Variants in WDR73 observed in about 807,000 individuals in gnomAD.
WDR73 encodes integrator complex assembly factor WDR73.
Under a neutral mutation model 38.2 loss-of-function variants are expected in WDR73, and 30 were observed. The observed-to-expected ratio is 0.79, with a 90% CI of 0.59 to 1.06. The LOEUF (loss-of-function observed/expected upper bound fraction) is 1.06. Among genes scored for constraint, WDR73 ranks in the 50% least tolerant of loss-of-function variants. The pLI is 0.00. For missense variants in WDR73, 487 were observed against 467.0 expected, an observed-to-expected ratio of 1.04 and a Z score of -0.40; for synonymous variants, 197 against 176.0, an observed-to-expected ratio of 1.12 and a Z score of -0.94.
chr15:84,653,286 G>T, intron 2 of WDR73: 1 of 242,288 alleles, frequency 4.1e-6, no homozygotes, highest in Non-Finnish European at 8.3e-6. Context: ...TCCTGCCTCA[G>T]CCTCCCCAGT....
Position 84,645,542 on chromosome 15 carries a change from A to T in WDR73, c.812T>A (p.Val271Glu), listed in dbSNP as rs768904751. The change falls in exon 7 of 8, where the codon GTA (valine) becomes GAA (glutamate). Residue 271 changes from valine to glutamate, a missense_variant. Coordinates refer to ENST00000434634, the MANE Select transcript of WDR73 (RefSeq NM_032856.5). ...PVSSVQCPVS[V>E]PSPDPELLRV... The stretch of plus-strand genomic sequence containing the variant: ...CAGCAGCTCTGGGTCAGGGCTAGGT[A>T]CGGATACTGGGCACTGGACTGAGCT... 6.2e-7 allele frequency: 1 copy of T among 1,612,208 alleles called. No individual in the cohort carries two copies. The highest frequency in any genetic ancestry group is 1.1e-5 in the South Asian group (1 of 90,728).
At chr15:84,643,841 T>TCCTAGCCTCAAGC (rs1896353791) in intron 7 of WDR73, 118 bp from the exon 8 acceptor site, 1 of 1,238,510 alleles carries the variant, frequency 8.1e-7, no homozygotes, top group Non-Finnish European at 1.1e-6. Context: ...GGTCTTGAAC[T>TCCTAGCCTCAAGC]CCTAGCCTCA....
intron 6 of WDR73, 59 bp from the exon 7 acceptor site, chr15:84,645,895 G>A: frequency 1.2e-6 from 2 of 1,607,716 alleles, no homozygotes; most frequent in East Asian, 2.2e-5. Context: ...TGGCAATTTG[G>A]CAGGGCTGGC....
rs375591390 is a variant in WDR73 at position 84,643,452 on chromosome 15, G to A, written c.*18C>T. ...AGCTCCTCCCCTTTCTAGAGGCCTA[G>A]ATGGAAAGATGCTGGTGTCAGCGGG... On this transcript the variant is annotated 3_prime_UTR_variant, in exon 8 of 8. Coordinates refer to ENST00000434634, the MANE Select transcript of WDR73 (RefSeq NM_032856.5). The A allele has an allele frequency of 1.7e-5, 26 of 1,550,588 alleles. No homozygotes were observed. The African/African-American group carries it at 3.4e-4, about 20-fold the overall frequency.
chr15:84,649,839 G>A (rs1896571555), intron 3 of WDR73, among the ~76,000 whole-genome samples: 1 of 152,074 alleles, frequency 6.6e-6, no homozygotes, highest in Non-Finnish European at 1.5e-5. Context: ...TGAACTCCTA[G>A]GCTCAAGCAG....
chr15:84,648,552 T>C lies in WDR73; in HGVS notation c.272A>G (p.His91Arg), dbSNP rs760874167. Reference sequence around the variant, plus strand: ...TTGACCATACCTGGTATGTGGCACATGCTTTAGATCAAAGATAGACCTGTC... The same window carrying C: ...TTGACCATACCTGGTATGTGGCACACGCTTTAGATCAAAGATAGACCTGTC... ...FSDRSIFDLK[H>R]VPHTRLLVTS... Residue 91 changes from histidine (H) to arginine (R), a missense_variant, in exon 4 of 8, where the codon CAT (histidine) becomes CGT (arginine). Physicochemically the swap from His to Arg is conservative, Grantham distance 29 (BLOSUM62 0). Coordinates refer to ENST00000434634, the MANE Select transcript of WDR73 (RefSeq NM_032856.5). 1 of 1,613,716 alleles carries C rather than the reference T, an allele frequency of 6.2e-7. No homozygotes were observed. The highest frequency in any genetic ancestry group is 1.1e-5 in the South Asian group (1 of 91,078).
In WDR73 at chr15:84,640,547, T is replaced by C. The variant is rs972118931; in HGVS notation, c.*2923A>G. The C allele has an allele frequency of 6.6e-6, 1 of 152,136 alleles. No homozygotes were observed. Among genetic ancestry groups the C allele is most frequent in the Non-Finnish European group, 1.5e-5 (1 of 68,042 alleles). 9.4% of individuals were successfully genotyped at this position (152,136 alleles called of 1,614,324 possible). Reference sequence around the variant, plus strand: ...ATTTGTTTCCATCTAAAGTGCCCTATAAGCCGGGCATGGTGGCGCAAGCCT... The same window carrying C: ...ATTTGTTTCCATCTAAAGTGCCCTACAAGCCGGGCATGGTGGCGCAAGCCT... On this transcript the variant is annotated 3_prime_UTR_variant, in exon 8 of 8. Coordinates refer to ENST00000434634, the MANE Select transcript of WDR73 (RefSeq NM_032856.5).
At chr15:84,650,343 A>G (rs1212184853) in intron 3 of WDR73, among the ~76,000 whole-genome samples, 2 of 142,142 alleles carry the variant, frequency 1.4e-5, no homozygotes, top group Non-Finnish European at 3.0e-5. Flanking sequence ...ATATACCACC[A>G]CACCCGGCTA....
intron 7 of WDR73, 135 bp downstream of exon 7, chr15:84,645,336 G>C (rs892710838): frequency 2.0e-6 from 3 of 1,534,172 alleles, no homozygotes; most frequent in Admixed American, 3.9e-5. Context: ...AACCTGGAGA[G>C]TTCGAATTTC....
chr15:84,641,017 G>A lies in WDR73; in HGVS notation c.*2453C>T, dbSNP rs1896241596. ...CTCAAAGGAGTAAAAGGGGGAAAATGAGTCATTAAACTTTCTCTTCTGGGA... is the reference window on the plus strand; with the variant it reads ...CTCAAAGGAGTAAAAGGGGGAAAATAAGTCATTAAACTTTCTCTTCTGGGA... On this transcript the variant is annotated 3_prime_UTR_variant, in exon 8 of 8. Coordinates refer to ENST00000434634, the MANE Select transcript of WDR73 (RefSeq NM_032856.5). 6.6e-6 allele frequency: 1 copy of A among 152,154 alleles called. No individual in the cohort carries two copies. The highest frequency in any genetic ancestry group is 2.1e-4 in the South Asian group (1 of 4,824). The allele number at this position is 152,154 out of a possible 1,614,324, so 9.4% of individuals were successfully genotyped here. A position where few individuals can be genotyped will look rare whatever the true frequency, so the allele number is the denominator to read the frequency against.
At chr15:84,651,250 C>A (rs2141844514) in intron 3 of WDR73, among the ~76,000 whole-genome samples, 1 of 152,096 alleles carries the variant, frequency 6.6e-6, no homozygotes, top group East Asian at 1.9e-4. Flanking sequence ...CACAGTGAAA[C>A]CTCATCTCTA....
chr15:84,643,235 G>C lies in WDR73; in HGVS notation c.*235C>G. ...TTTCACACTCCCAGATCTAACAATA[G>C]CTACCAAGTAATTATGCCATGCGTT... On this transcript the variant is annotated 3_prime_UTR_variant, in exon 8 of 8. Coordinates refer to ENST00000434634, the MANE Select transcript of WDR73 (RefSeq NM_032856.5). 1.8e-6 allele frequency: 1 copy of C among 552,236 alleles called. No homozygotes were observed. The highest frequency in any genetic ancestry group is 2.3e-5 in the South Asian group (1 of 43,574). 34.2% of individuals were successfully genotyped at this position (552,236 alleles called of 1,614,324 possible).
In WDR73 at chr15:84,643,594, A is replaced by C. The variant is rs1177454048; in HGVS notation, c.1013T>G (p.Met338Arg). The C allele has an allele frequency of 6.2e-7, 1 of 1,612,748 alleles. No homozygotes were observed. Among genetic ancestry groups the C allele is most frequent in the African/African-American group, 1.3e-5 (1 of 74,930 alleles). ...RGHIFLDGNG[M>R]DPAPLVTTHT... ...GGTGGTGACCAAAGGAGCAGGGTCC[A>C]TCCCATTTCCATCTAGGAAGATGTG... Residue 338 changes from methionine to arginine, a missense_variant, in exon 8 of 8, where the codon ATG becomes AGG. Transcript: ENST00000434634.
intron 1 of WDR73, 89 bp from the exon 2 acceptor site, chr15:84,653,788 A>C: frequency 9.6e-7 from 1 of 1,040,528 alleles, no homozygotes; most frequent in Non-Finnish European, 1.5e-6. Context: ...TCAGTGGCCC[A>C]AACTCTGGAG....
In WDR73 at chr15:84,643,476, G is replaced by A; in HGVS notation, c.1131C>T (p.Pro377=). 1 of 1,555,194 alleles carries A rather than the reference G, an allele frequency of 6.4e-7. No individual in the cohort carries two copies. The highest frequency in any genetic ancestry group is 8.7e-7 in the Non-Finnish European group (1 of 1,149,056). The change falls in exon 8 of 8, where the codon CCC becomes CCT. Residue 377 remains proline (P), a synonymous_variant. Coordinates refer to ENST00000434634, the MANE Select transcript of WDR73 (RefSeq NM_032856.5). ...AGATGGAAAGATGCTGGTGTCAGCG[G>A]GGGGCACAAAGGTCCACCCAGTCCC... ...HVWDWVDLCA[P]R is the part of the protein sequence containing the mutation.
rs757188286 is a variant in WDR73, at chr15:84,645,680, C to T, written c.674G>A (p.Arg225Lys). ...RSPGPGSGGE[R>K]WCAEVGSWGQ... ...CCAGCTCCCAACTTCAGCACACCAT[C>T]TCTCTCCACCAGACCCAGGGCCAGG... is the stretch of plus-strand genomic sequence containing the variant. The change falls in exon 7 of 8, where the codon AGA (arginine) becomes AAA (lysine). Residue 225 changes from arginine (R) to lysine (K), a missense_variant. By Grantham distance (26) the Arg-to-Lys change is conservative (BLOSUM62 2). Coordinates refer to ENST00000434634, the MANE Select transcript of WDR73 (RefSeq NM_032856.5). 1 of 1,608,668 alleles carries T rather than the reference C, an allele frequency of 6.2e-7. No homozygotes were observed. Among genetic ancestry groups the T allele is most frequent in the Non-Finnish European group, 8.5e-7 (1 of 1,177,666 alleles).
At position 84,654,277 on chromosome 15, in the gene WDR73, C is replaced by G; in HGVS notation, c.-3G>C. ...AGCCAGTCGTCCCCAGGATCCATGG[C>G]AACGACCGCTTCCGGCGTCTCACTT... On this transcript the variant is annotated 5_prime_UTR_variant, in exon 1 of 8. Transcript: ENST00000434634. The G allele has an allele frequency of 6.2e-7, 1 of 1,613,980 alleles. No homozygotes were observed. Among genetic ancestry groups the G allele is most frequent in the South Asian group, 1.1e-5 (1 of 91,088 alleles).
Position 84,653,678 on chromosome 15 carries a change from G to T in WDR73, c.63C>A (p.Phe21Leu). The T allele has an allele frequency of 6.3e-7, 1 of 1,593,566 alleles. No homozygotes were observed. Among genetic ancestry groups the T allele is most frequent in the Non-Finnish European group, 8.5e-7 (1 of 1,169,672 alleles). The change falls in exon 2 of 8, where the codon TTC (phenylalanine) becomes TTA (leucine). Residue 21 changes from phenylalanine (F) to leucine (L), a missense_variant. Coordinates refer to ENST00000434634, the MANE Select transcript of WDR73 (RefSeq NM_032856.5). ...GGACTCGAGTGGCTCCTGACAGGTC[G>T]AATGCATAGAAATCCTGGTACCTGC... ...SLRLYQDFYA[F>L]DLSGATRVLE...
At position 84,654,228 on chromosome 15, in the gene WDR73, A is replaced by C. The variant is rs981794334; in HGVS notation, c.41+6T>G. ...AGCTCCCATGTCCCAGCCCCGTACG[A>C]TTTACAAGCGCAAGGATTCCACCAG... On this transcript the variant is annotated splice_donor_region_variant and intron_variant, in intron 1 of 7. Coordinates refer to ENST00000434634, the MANE Select transcript of WDR73 (RefSeq NM_032856.5). 3 of 1,613,690 alleles carry C rather than the reference A, an allele frequency of 1.9e-6. No homozygotes were observed. Among genetic ancestry groups the C allele is most frequent in the Non-Finnish European group, 2.5e-6 (3 of 1,179,812 alleles).
Sources: gnomAD v4.1 joint callset for allele counts (sites outside exome capture counted in the v4.1 genomes callset) on GRCh38, gnomAD v4.1.1 for gene constraint, MANE v1.5 for transcripts, NCBI Gene and HGNC (gene_info 2026-07-23, HGNC 2026-07-21) for gene names.